Variants in XKR6 observed in about 807,000 individuals in gnomAD.
XKR6 encodes XK related 6.
XKR6 carries 22 observed loss-of-function variants against 56.7 expected under a neutral mutation model. The observed-to-expected ratio is 0.39, with a 90% confidence interval of 0.28 to 0.55. The LOEUF is 0.55. Ranked by LOEUF, XKR6 falls within the 20% of genes least tolerant of loss-of-function variation. The pLI, the probability that XKR6 is intolerant of heterozygous loss-of-function variation, is 0.66. For missense variants in XKR6, 852 were observed against 889.0 expected, an observed-to-expected ratio of 0.96 and a Z score of 0.53; for synonymous variants, 524 against 387.8, an observed-to-expected ratio of 1.35 and a Z score of -4.13.
chr8:11,044,487 G>T (rs1286882818), intron 1 of XKR6, among the ~76,000 whole-genome samples: 2 of 152,194 alleles, frequency 1.3e-5, no homozygotes, highest in Non-Finnish European at 1.5e-5. Context: ...TTCATCAATT[G>T]TGTGATTTTT....
At chr8:10,977,892 G>A (rs2129136268) in intron 1 of XKR6, among the ~76,000 whole-genome samples, 1 of 152,052 alleles carries the variant, frequency 6.6e-6, no homozygotes, top group Non-Finnish European at 1.5e-5. Flanking sequence ...TCAATAAATG[G>A]CAGCCGTTAT....
intron 1 of XKR6, among the ~76,000 whole-genome samples, chr8:11,198,696 G>A (rs1306671234): frequency 3.3e-5 from 5 of 152,170 alleles, no homozygotes; most frequent in Admixed American, 6.6e-5. Flanking sequence ...CTTACTACTA[G>A]TAAGTGTCCA....
At chr8:11,046,918 C>T (rs916063359) in intron 1 of XKR6, among the ~76,000 whole-genome samples, 1 of 152,110 alleles carries the variant, frequency 6.6e-6, no homozygotes. Flanking sequence ...ACTACATGAT[C>T]TCGCTTATGT....
chr8:11,056,892 C>G (rs536881925), intron 1 of XKR6, among the ~76,000 whole-genome samples: 1 of 152,268 alleles, frequency 6.6e-6, no homozygotes, highest in African/African-American at 2.4e-5. Flanking sequence ...GGCCTCTAGT[C>G]TCACCCTTCA....
intron 1 of XKR6, chr8:11,194,493 G>A (rs1458602978): frequency 2.0e-5 from 3 of 152,234 alleles, no homozygotes; most frequent in African/African-American, 7.2e-5. Context: ...CTTTTTAAGA[G>A]GCAAATAAGA....
chr8:10,929,787 T>G (rs1801004118), intron 1 of XKR6, among the ~76,000 whole-genome samples: 1 of 152,166 alleles, frequency 6.6e-6, no homozygotes, highest in African/African-American at 2.4e-5. Flanking sequence ...GACAGGAGGT[T>G]AGAAGTCACC....
chr8:11,114,727 A>ATG (rs58011023), intron 1 of XKR6, among the ~76,000 whole-genome samples: 15,161 of 118,086 alleles, frequency 0.13, 952 homozygotes, highest in East Asian at 0.19. Flanking sequence ...TAGATCACAT[A>ATG]TGTGTGTGTG....
rs1315848869 is a variant in XKR6, at chr8:10,898,469, T to A, written c.1409A>T (p.Asp470Val). 25 of 1,613,592 alleles carry A rather than the reference T, an allele frequency of 1.5e-5. No homozygotes were observed. The highest frequency in any genetic ancestry group is 1.9e-5 in the Non-Finnish European group (23 of 1,179,910). Residue 470 changes from aspartate to valine, a missense_variant, in exon 3 of 3, where the codon GAC becomes GTC. Physicochemically the swap from Asp to Val is radical, Grantham distance 152. This residue lies in a region of XKR6 where 197 missense variants were observed against 190.9 expected (regional missense o/e 1.03). Coordinates refer to ENST00000416569, the MANE Select transcript of XKR6 (RefSeq NM_173683.4). The surrounding 1 kb of genome is among the most constrained non-coding windows in gnomAD (Gnocchi z 6.6). ...ACACAGTGCTGGCACCGCATAGGAG[T>A]CAGTGGTCTCCGGGTCTCTGTAAAA... ...WYFYRDPETT[D>V]SYAVPALCCV...
intron 1 of XKR6, among the ~76,000 whole-genome samples, chr8:11,112,057 A>C (rs542890329): frequency 1.3e-5 from 2 of 152,362 alleles, no homozygotes; most frequent in East Asian, 3.9e-4. Flanking sequence ...TTTAAAAACA[A>C]GGCAGTTTTC....
intron 1 of XKR6, among the ~76,000 whole-genome samples, chr8:11,011,774 G>A (rs1218890224): frequency 1.3e-5 from 2 of 152,194 alleles, no homozygotes; most frequent in Non-Finnish European, 2.9e-5. Context: ...TTGTGGGAGT[G>A]ACAGGAGAAG....
At chr8:11,102,828 T>G (rs556542332) in intron 1 of XKR6, among the ~76,000 whole-genome samples, 1 of 152,248 alleles carries the variant, frequency 6.6e-6, no homozygotes, top group East Asian at 1.9e-4. Context: ...CTGGCTGCAT[T>G]TGGAGGATTT....
At chr8:10,903,595 T>C (rs1800103229) in intron 2 of XKR6, among the ~76,000 whole-genome samples, 1 of 151,936 alleles carries the variant, frequency 6.6e-6, no homozygotes, top group African/African-American at 2.4e-5. Context: ...AAAGAGGTGA[T>C]TAAGGTAAAA....
intron 1 of XKR6, among the ~76,000 whole-genome samples, chr8:11,099,602 A>C: frequency 6.6e-6 from 1 of 152,176 alleles, no homozygotes; most frequent in East Asian, 1.9e-4. Flanking sequence ...AAAATCTCCA[A>C]GTTTCCTTGC....
chr8:11,033,267 G>C (rs1799038985), intron 1 of XKR6, among the ~76,000 whole-genome samples: 1 of 151,836 alleles, frequency 6.6e-6, no homozygotes, highest in Non-Finnish European at 1.5e-5. Context: ...TAATGATGAT[G>C]ATGGCGATGA....
At chr8:11,115,414 A>G (rs1799124121) in intron 1 of XKR6, among the ~76,000 whole-genome samples, 1 of 152,184 alleles carries the variant, frequency 6.6e-6, no homozygotes, top group African/African-American at 2.4e-5. Flanking sequence ...AAATTCAGAA[A>G]TCCTGCTGCT....
At chr8:11,086,133 A>AATATATAT (rs138365092) in intron 1 of XKR6, among the ~76,000 whole-genome samples, 32 of 90,104 alleles carry the variant, frequency 3.6e-4, no homozygotes, top group Middle Eastern at 6.3e-3. Flanking sequence ...TTAAAAAGAA[A>AATATATAT]ATATATATAT....
At chr8:11,113,545 C>A (rs541838069) in intron 1 of XKR6, among the ~76,000 whole-genome samples, 48 of 152,260 alleles carry the variant, frequency 3.2e-4, no homozygotes, top group African/African-American at 5.1e-4. Flanking sequence ...CACACACATA[C>A]ATAAAACATT....
chr8:11,099,731 C>A (rs957294822), intron 1 of XKR6, among the ~76,000 whole-genome samples: 2 of 152,178 alleles, frequency 1.3e-5, no homozygotes, highest in African/African-American at 2.4e-5. Flanking sequence ...CAGCCACCAA[C>A]AAAACAAAGC....
chr8:11,152,209 G>A (rs1801301782), intron 1 of XKR6, among the ~76,000 whole-genome samples: 2 of 152,184 alleles, frequency 1.3e-5, no homozygotes, highest in Admixed American at 6.5e-5. Context: ...GCTATCAGCT[G>A]TGAGATACAG....
Sources: gnomAD v4.1 joint callset for allele counts (sites outside exome capture counted in the v4.1 genomes callset) on GRCh38, gnomAD v4.1.1 for gene constraint, gnomAD v4.1.1 regional missense constraint, Gnocchi (gnomAD v3.1) non-coding constraint, MANE v1.5 for transcripts, NCBI Gene and HGNC (gene_info 2026-07-23, HGNC 2026-07-21) for gene names.